The following PCSK5 variants were observed in gnomAD, a reference collection of about 807,000 sequenced individuals.
PCSK5 encodes proprotein convertase subtilisin/kexin type 5.
A neutral mutation model predicts 233.2 loss-of-function variants in PCSK5; 129 were observed. The observed-to-expected ratio is 0.55, with a 90% CI of 0.48 to 0.64. The LOEUF is 0.64. Ranked by LOEUF, PCSK5 falls within the 30% of genes least tolerant of loss-of-function variation. PCSK5 has a pLI of 0.00. For synonymous variants in PCSK5, 825 were observed against 879.2 expected, an observed-to-expected ratio of 0.94 and a Z score of 1.09; for missense variants, 2,076 against 2,430.1, an observed-to-expected ratio of 0.85 and a Z score of 3.06.
At chr9:76,050,506 ATTTTC>A (rs915165157) in intron 5 of PCSK5, among the ~76,000 whole-genome samples, 8 of 152,186 alleles carry the variant, frequency 5.3e-5, no homozygotes, top group African/African-American at 1.9e-4. Flanking sequence ...TAATTATAAA[ATTTTC>A]TTTTAATTAT....
intron 35 of PCSK5, among the ~76,000 whole-genome samples, chr9:76,344,150 G>T (rs1038276786): frequency 6.6e-6 from 1 of 152,158 alleles, no homozygotes; most frequent in African/African-American, 2.4e-5. Flanking sequence ...TGTGGCTAGT[G>T]GCTGCTGTAT....
intron 4 of PCSK5, among the ~76,000 whole-genome samples, chr9:76,025,650 A>G (rs1828391846): frequency 6.6e-6 from 1 of 152,152 alleles, no homozygotes; most frequent in African/African-American, 2.4e-5. Context: ...ACTTCTGCCA[A>G]ATTGTTGTAG....
intron 30 of PCSK5, among the ~76,000 whole-genome samples, chr9:76,312,066 G>A (rs905444967): frequency 2.6e-5 from 4 of 152,164 alleles, no homozygotes; most frequent in Admixed American, 2.0e-4. Flanking sequence ...CAAGATTCAC[G>A]CCTGAACATC....
intron 10 of PCSK5, among the ~76,000 whole-genome samples, chr9:76,154,039 C>T (rs761771106): frequency 6.6e-6 from 1 of 152,172 alleles, no homozygotes; most frequent in Non-Finnish European, 1.5e-5. Flanking sequence ...TGCATAATGG[C>T]TCTTTCCCGT....
intron 34 of PCSK5, among the ~76,000 whole-genome samples, chr9:76,336,907 T>C (rs1364026661): frequency 6.6e-5 from 10 of 152,100 alleles, no homozygotes. Context: ...GGGCAAGTGC[T>C]AACTACCACA....
intron 17 of PCSK5, among the ~76,000 whole-genome samples, chr9:76,185,681 ATTC>A (rs1178003956): frequency 2.0e-5 from 3 of 152,194 alleles, no homozygotes; most frequent in African/African-American, 7.2e-5. Flanking sequence ...TAGCCACCTA[ATTC>A]TTCTTGGAGA....
chr9:75,906,846 C>G (rs548478015), intron 1 of PCSK5, among the ~76,000 whole-genome samples: 1 of 152,236 alleles, frequency 6.6e-6, no homozygotes, highest in Non-Finnish European at 1.5e-5. Context: ...TTCTCCTACT[C>G]ATTCCCTTGA....
chr9:76,187,362 T>TAAC (rs1824154828), intron 17 of PCSK5, among the ~76,000 whole-genome samples: 2 of 152,060 alleles, frequency 1.3e-5, no homozygotes, highest in African/African-American at 4.8e-5. Flanking sequence ...TTTTTTATAT[T>TAAC]AACTATTGTA....
At chr9:76,226,574 A>T (rs59234407) in intron 20 of PCSK5, among the ~76,000 whole-genome samples, 1 of 152,146 alleles carries the variant, frequency 6.6e-6, no homozygotes, top group Admixed American at 6.5e-5. Context: ...GGGGGCTGTC[A>T]GAGTTGGAGG....
chr9:76,282,075 T>TCC (rs147998670), intron 24 of PCSK5, among the ~76,000 whole-genome samples: 10,541 of 139,734 alleles, frequency 0.075, 440 homozygotes, highest in Middle Eastern at 0.1. Context: ...TTTTTTTTTT[T>TCC]CCCCACTCTG....
At chr9:76,243,639 C>A (rs1460386599) in intron 24 of PCSK5, among the ~76,000 whole-genome samples, 2 of 152,048 alleles carry the variant, frequency 1.3e-5, no homozygotes, top group Non-Finnish European at 2.9e-5. Flanking sequence ...AGCGAGAATA[C>A]CTTTTAGAGG....
intron 4 of PCSK5, among the ~76,000 whole-genome samples, chr9:76,026,058 G>A (rs1271223340): frequency 6.6e-6 from 1 of 151,764 alleles, no homozygotes; most frequent in Non-Finnish European, 1.5e-5. Context: ...GCCAAGCCGT[G>A]ATCACACCAC....
chr9:76,344,340 ACCAC>A (rs150300656), intron 35 of PCSK5, among the ~76,000 whole-genome samples: 128,074 of 151,572 alleles, frequency 0.84, 54,376 homozygotes, highest in South Asian at 0.9. Context: ...TGCTCCCCTC[ACCAC>A]CCACCATTCC....
At chr9:76,127,502 G>C (rs1822559313) in intron 9 of PCSK5, among the ~76,000 whole-genome samples, 2 of 152,290 alleles carry the variant, frequency 1.3e-5, no homozygotes, top group South Asian at 4.2e-4. Context: ...ACACTATGGG[G>C]TTGTGAAAAC....
At chr9:75,932,606 T>G (rs1331002799) in intron 2 of PCSK5, 123 bp downstream of exon 2, 1 of 666,280 alleles carries the variant, frequency 1.5e-6, no homozygotes, top group African/African-American at 1.8e-5. Context: ...CATATTATCC[T>G]TTGGTCTAGT....
At chr9:76,063,319 CTTTTTTTTTTTTT>C (rs1157596601) in intron 5 of PCSK5, among the ~76,000 whole-genome samples, 14 of 59,714 alleles carry the variant, frequency 2.3e-4, no homozygotes, top group South Asian at 1.7e-3. Context: ...TTTCTTTTTT[CTTTTTTTTTTTTT>C]TTTTTTTTTT....
chr9:76,201,925 ATACT>A (rs567368489), intron 20 of PCSK5, among the ~76,000 whole-genome samples: 266 of 152,344 alleles, frequency 1.7e-3, no homozygotes, highest in African/African-American at 6.2e-3. Flanking sequence ...GTTAATACAA[ATACT>A]TAATACAAAT....
chr9:76,268,570 G>A (rs575656781), intron 24 of PCSK5, among the ~76,000 whole-genome samples: 2 of 152,212 alleles, frequency 1.3e-5, no homozygotes, highest in Admixed American at 1.3e-4. Flanking sequence ...GCGGCTGGGT[G>A]CAGTGGCTCA....
chr9:76,340,637 G>A (rs1346761952), intron 35 of PCSK5, among the ~76,000 whole-genome samples: 2 of 43,760 alleles, frequency 4.6e-5, no homozygotes, highest in Non-Finnish European at 8.8e-5. Context: ...GAACGAGACT[G>A]TCAAAAAAAA....
Sources: allele counts gnomAD v4.1 joint callset (sites outside exome capture counted in the v4.1 genomes callset), GRCh38; gene constraint gnomAD v4.1.1; transcripts MANE v1.5; gene names NCBI Gene and HGNC (gene_info 2026-07-23, HGNC 2026-07-21).